Variants in RBMS3 observed in about 807,000 individuals in gnomAD.
RBMS3 encodes the protein RNA binding motif single stranded interacting protein 3.
Under a neutral mutation model 66.8 loss-of-function variants are expected in RBMS3, and 27 were observed. That is an observed-to-expected ratio of 0.40 (90% CI 0.30 to 0.56). The LOEUF (loss-of-function observed/expected upper bound fraction) is 0.56, where lower values mean the gene tolerates loss of function less well. RBMS3 is among the 20% of genes least tolerant of loss of function. The pLI, the probability that RBMS3 is intolerant of heterozygous loss-of-function variation, is 0.40. For missense variants in RBMS3, 513 were observed against 549.5 expected (o/e 0.93, Z 0.66); for synonymous variants, 188 against 183.0 (o/e 1.03, Z -0.22).
chr3:29,471,878 A>G (rs1311404300), intron 2 of RBMS3, among the ~76,000 whole-genome samples: 1 of 151,904 alleles, frequency 6.6e-6, no homozygotes, highest in Non-Finnish European at 1.5e-5. Context: ...CTTGTGTCAG[A>G]TGGTTCTAAA....
chr3:29,309,849 G>T (rs983519308), intron 1 of RBMS3, among the ~76,000 whole-genome samples: 1 of 151,592 alleles, frequency 6.6e-6, no homozygotes, highest in Non-Finnish European at 1.5e-5. Flanking sequence ...GGTGAAGAAG[G>T]GGGTGAAAAC....
intron 1 of RBMS3, among the ~76,000 whole-genome samples, chr3:29,428,787 G>A (rs1027710819): frequency 1.3e-5 from 2 of 152,136 alleles, no homozygotes; most frequent in African/African-American, 4.8e-5. Flanking sequence ...CATGAATCTT[G>A]ACAAATGAAC....
At chr3:29,677,861 C>G (rs1283597727) in intron 4 of RBMS3, among the ~76,000 whole-genome samples, 1 of 152,106 alleles carries the variant, frequency 6.6e-6, no homozygotes, top group Non-Finnish European at 1.5e-5. Context: ...GAATGTGAGT[C>G]AGACAAGCTG....
At chr3:29,438,794 T>C (rs1054784804) in intron 2 of RBMS3, among the ~76,000 whole-genome samples, 1 of 152,088 alleles carries the variant, frequency 6.6e-6, no homozygotes, top group Admixed American at 6.6e-5. Flanking sequence ...GAGGAGTCAG[T>C]GGTGAGTAAA....
intron 3 of RBMS3, among the ~76,000 whole-genome samples, chr3:29,511,958 C>T (rs1011685902): frequency 1.2e-4 from 19 of 152,044 alleles, no homozygotes; most frequent in African/African-American, 4.6e-4. Flanking sequence ...GCAAGCGTTC[C>T]CAGTAACATT....
intron 4 of RBMS3, among the ~76,000 whole-genome samples, chr3:29,634,485 A>T (rs897718053): frequency 6.6e-6 from 1 of 151,964 alleles, no homozygotes; most frequent in Admixed American, 6.6e-5. Context: ...TTTTCTGGAA[A>T]CAGCAGCCCC....
At chr3:29,918,322 A>AT (rs1370544588) in intron 10 of RBMS3, among the ~76,000 whole-genome samples, 1 of 151,938 alleles carries the variant, frequency 6.6e-6, no homozygotes, top group Admixed American at 6.6e-5. Flanking sequence ...GAAGTAAGAT[A>AT]TTTTTTAATA....
At chr3:29,300,248 T>G (rs565422832) in intron 1 of RBMS3, among the ~76,000 whole-genome samples, 1 of 152,106 alleles carries the variant, frequency 6.6e-6, no homozygotes, top group African/African-American at 2.4e-5. Flanking sequence ...TTTTGGATCT[T>G]TATTTGAGAG....
chr3:29,637,224 G>A (rs1190517840), intron 4 of RBMS3, among the ~76,000 whole-genome samples: 2 of 151,706 alleles, frequency 1.3e-5, no homozygotes, highest in Non-Finnish European at 2.9e-5. Context: ...GTTTCCTGTT[G>A]GTGCCTGTGC....
intron 4 of RBMS3, among the ~76,000 whole-genome samples, chr3:29,710,559 C>T (rs891585587): frequency 5.9e-5 from 9 of 152,140 alleles, no homozygotes; most frequent in Admixed American, 5.9e-4. Flanking sequence ...ATACTCTTTC[C>T]AATATACTGA....
intron 4 of RBMS3, among the ~76,000 whole-genome samples, chr3:29,682,533 T>G: frequency 6.6e-6 from 1 of 152,132 alleles, no homozygotes; most frequent in South Asian, 2.1e-4. Context: ...AAGGATCCTG[T>G]CTATACTTAG....
chr3:29,845,629 G>GT (rs2058758422), intron 6 of RBMS3, among the ~76,000 whole-genome samples: 1 of 152,074 alleles, frequency 6.6e-6, no homozygotes, highest in Non-Finnish European at 1.5e-5. Context: ...GGTGTCTACT[G>GT]TTTTCTAGAG....
At chr3:29,300,296 T>A (rs2033585165) in intron 1 of RBMS3, among the ~76,000 whole-genome samples, 1 of 151,928 alleles carries the variant, frequency 6.6e-6, no homozygotes, top group Non-Finnish European at 1.5e-5. Context: ...ACATGCCCGG[T>A]TATATAGCAA....
At chr3:29,729,430 T>C (rs2054030530) in intron 4 of RBMS3, among the ~76,000 whole-genome samples, 1 of 152,162 alleles carries the variant, frequency 6.6e-6, no homozygotes, top group Non-Finnish European at 1.5e-5. Context: ...CTATTGTGAA[T>C]AGTGCCGCAA....
chr3:29,582,213 C>G (rs965573616), intron 3 of RBMS3, among the ~76,000 whole-genome samples: 1 of 152,094 alleles, frequency 6.6e-6, no homozygotes, highest in African/African-American at 2.4e-5. Flanking sequence ...CACATACATA[C>G]AGTTTTTTCT....
At chr3:29,674,104 C>T (rs2051129632) in intron 4 of RBMS3, among the ~76,000 whole-genome samples, 1 of 152,066 alleles carries the variant, frequency 6.6e-6, no homozygotes, top group African/African-American at 2.4e-5. Context: ...TCAACATATG[C>T]AAATCAGTAA....
chr3:29,287,136 T>C (rs1192192631), intron 1 of RBMS3, among the ~76,000 whole-genome samples: 4 of 152,110 alleles, frequency 2.6e-5, no homozygotes, highest in Non-Finnish European at 5.9e-5. Context: ...TTTTTTGCAG[T>C]AGTGGGAAAA....
intron 6 of RBMS3, among the ~76,000 whole-genome samples, chr3:29,775,208 A>C (rs1391889502): frequency 6.6e-6 from 1 of 151,762 alleles, no homozygotes; most frequent in Non-Finnish European, 1.5e-5. Flanking sequence ...CAATTAAAAA[A>C]TAAATTTCAA....
intron 4 of RBMS3, among the ~76,000 whole-genome samples, chr3:29,606,640 A>G (rs1367867935): frequency 6.6e-6 from 1 of 151,956 alleles, no homozygotes; most frequent in Non-Finnish European, 1.5e-5. Flanking sequence ...TATATATGCA[A>G]TATAAAATCA....
Sources: allele counts gnomAD v4.1 joint callset (sites outside exome capture counted in the v4.1 genomes callset), GRCh38; gene constraint gnomAD v4.1.1; transcripts MANE v1.5; gene names NCBI Gene and HGNC (gene_info 2026-07-23, HGNC 2026-07-21).